CELF2: variants seen among roughly 807,000 people sequenced by gnomAD.
CELF2 encodes CUGBP Elav-like family member 2.
A neutral mutation model predicts 62.6 loss-of-function variants in CELF2; 8 were observed. The ratio of observed to expected loss-of-function variants is 0.13; its 90% CI spans 0.07 to 0.23. The LOEUF (loss-of-function observed/expected upper bound fraction) is 0.23, where lower values mean the gene tolerates loss of function less well. CELF2 is among the 10% of genes least tolerant of loss of function. The pLI, the probability that CELF2 is intolerant of heterozygous loss-of-function variation, is 1.00. For synonymous variants in CELF2, 258 were observed against 250.0 expected (o/e 1.03, Z -0.30); for missense variants, 333 against 671.0 (o/e 0.50, Z 5.56).
At position 11,296,955 on chromosome 10, in the gene CELF2, C is replaced by G. The variant is rs1463095918; in HGVS notation, c.976+8403C>G. On this transcript the variant is annotated intron_variant, in intron 9 of 12. Transcript: ENST00000633077. The surrounding 1 kb of genome is among the most constrained non-coding windows in gnomAD (Gnocchi z 5.0). The stretch of plus-strand genomic sequence containing the variant: ...AGCATGGACATATGGAAAAGGATGC[C>G]CACCGGGGACCCTGAGAGCCGGGGC... 6.6e-6 allele frequency among the ~76,000 whole-genome samples: 1 copy of G among 152,124 alleles called. No homozygotes were observed. Among genetic ancestry groups the G allele is most frequent in the African/African-American group, 2.4e-5 (1 of 41,420 alleles).
the CELF2 span, among the ~76,000 whole-genome samples, chr10:10,783,832 A>C: frequency 1.3e-5 from 2 of 152,094 alleles, no homozygotes; most frequent in Non-Finnish European, 2.9e-5. Flanking sequence ...AAAAATACAA[A>C]AAAAAAGTAG....
At chr10:10,628,951 A>G in the CELF2 span, among the ~76,000 whole-genome samples, 2 of 152,206 alleles carry the variant, frequency 1.3e-5, no homozygotes, top group Admixed American at 6.5e-5. Context: ...GGTACTTTCT[A>G]ATTTTAACAA....
chr10:10,479,097 T>C, the CELF2 span, among the ~76,000 whole-genome samples: 1 of 152,214 alleles, frequency 6.6e-6, no homozygotes, highest in African/African-American at 2.4e-5. Context: ...GAATCTGAGA[T>C]AGATGGAGAA....
chr10:10,933,445 A>G (rs370057161), intron 2 of CELF2, among the ~76,000 whole-genome samples: 7 of 152,318 alleles, frequency 4.6e-5, no homozygotes, highest in Non-Finnish European at 5.9e-5. Context: ...TTGTTGTGAG[A>G]GCATTTAAAA....
intron 1 of CELF2, among the ~76,000 whole-genome samples, chr10:10,832,416 C>T: frequency 6.6e-6 from 1 of 152,014 alleles, no homozygotes; most frequent in South Asian, 2.2e-4. Context: ...TTCCAAAGAT[C>T]CCAGATATAG....
At chr10:11,118,635 T>A (rs1255751073) in intron 1 of CELF2, among the ~76,000 whole-genome samples, 1 of 152,218 alleles carries the variant, frequency 6.6e-6, no homozygotes, top group Non-Finnish European at 1.5e-5. Context: ...AAGCTGAAGT[T>A]ACTGACTTTG....
chr10:10,517,628 T>C, the CELF2 span, among the ~76,000 whole-genome samples: 1 of 152,274 alleles, frequency 6.6e-6, no homozygotes, highest in East Asian at 1.9e-4. Flanking sequence ...ATGTCAGGTC[T>C]TAGGAGGCAA....
At chr10:10,672,706 G>A in the CELF2 span, among the ~76,000 whole-genome samples, 185 of 152,054 alleles carry the variant, frequency 1.2e-3, 2 homozygotes, top group African/African-American at 4.3e-3. Flanking sequence ...TAGCTTTATA[G>A]TAAGTCTTGA....
At chr10:11,136,226 C>G (rs1351812196) in intron 1 of CELF2, among the ~76,000 whole-genome samples, 9 of 152,212 alleles carry the variant, frequency 5.9e-5, no homozygotes, top group Non-Finnish European at 1.2e-4. Context: ...AGGTACTATG[C>G]TGACTACTTG....
chr10:11,033,941 A>G (rs1206232954), intron 1 of CELF2, among the ~76,000 whole-genome samples: 1 of 152,224 alleles, frequency 6.6e-6, no homozygotes, highest in Non-Finnish European at 1.5e-5. Flanking sequence ...ACATTTCTGT[A>G]CTACCTGTTC....
the CELF2 span, among the ~76,000 whole-genome samples, chr10:10,764,505 G>A: frequency 1.3e-5 from 2 of 152,148 alleles, no homozygotes; most frequent in South Asian, 2.1e-4. Context: ...CACCGCACAA[G>A]GTGTCTTCTG....
Position 11,311,963 on chromosome 10 carries a change from A to C in CELF2, c.977-2176A>C, listed in dbSNP as rs1358259165. Among the ~76,000 whole-genome samples the C allele has an allele frequency of 6.6e-6, 1 of 152,246 alleles. No individual in the cohort carries two copies. The highest frequency in any genetic ancestry group is 1.5e-5 in the Non-Finnish European group (1 of 68,038). On this transcript the variant is annotated intron_variant, in intron 9 of 12. Transcript: ENST00000633077. The surrounding 1 kb of genome is among the most constrained non-coding windows in gnomAD (Gnocchi z 4.7). ...ATATTCAGGGATCCAGATGAATTCC[A>C]AGCAGTGAAAATAAAAATCAATCTA...
At chr10:11,152,850 C>T (rs753838203) in intron 1 of CELF2, among the ~76,000 whole-genome samples, 23 of 152,168 alleles carry the variant, frequency 1.5e-4, no homozygotes, top group Non-Finnish European at 2.9e-4. Flanking sequence ...TGGCTGTGGA[C>T]TCTGGCAATC....
chr10:10,925,991 C>A (rs906409325), intron 2 of CELF2, among the ~76,000 whole-genome samples: 1 of 152,194 alleles, frequency 6.6e-6, no homozygotes, highest in Non-Finnish European at 1.5e-5. Flanking sequence ...TAGCCTGTGA[C>A]TGAGTTCTTT....
At chr10:11,153,191 C>G (rs1043361586) in intron 1 of CELF2, among the ~76,000 whole-genome samples, 1 of 152,144 alleles carries the variant, frequency 6.6e-6, no homozygotes, top group African/African-American at 2.4e-5. Context: ...TTAAGCCATT[C>G]TAGAGGGGCC....
At chr10:10,562,791 C>T in the CELF2 span, among the ~76,000 whole-genome samples, 1 of 139,376 alleles carries the variant, frequency 7.2e-6, no homozygotes, top group African/African-American at 3.1e-5. Context: ...GAGCCTACCT[C>T]CCTGCCCTCC....
chr10:10,464,374 A>T, the CELF2 span, among the ~76,000 whole-genome samples: 1 of 152,262 alleles, frequency 6.6e-6, no homozygotes, highest in Non-Finnish European at 1.5e-5. Context: ...AGAATCAGTG[A>T]CTAGAAATAG....
the CELF2 span, among the ~76,000 whole-genome samples, chr10:10,541,869 T>G: frequency 6.6e-6 from 1 of 152,170 alleles, no homozygotes; most frequent in Non-Finnish European, 1.5e-5. Context: ...TGCAGCTCAG[T>G]AGGTCTCAGT....
At chr10:11,061,364 G>C (rs2066682373) in intron 1 of CELF2, among the ~76,000 whole-genome samples, 1 of 152,228 alleles carries the variant, frequency 6.6e-6, no homozygotes, top group Non-Finnish European at 1.5e-5. Context: ...AGCTGCAGAA[G>C]AGCAGTTTGA....
Sources: gnomAD v4.1 joint callset for allele counts (sites outside exome capture counted in the v4.1 genomes callset) on GRCh38, gnomAD v4.1.1 for gene constraint, Gnocchi (gnomAD v3.1) non-coding constraint, MANE v1.5 for transcripts, NCBI Gene and HGNC (gene_info 2026-07-23, HGNC 2026-07-21) for gene names.